Variants in FNBP1L observed in about 807,000 individuals in gnomAD.
FNBP1L encodes the protein formin binding protein 1 like, also known as formin-binding protein 1-like.
In FNBP1L, 36 loss-of-function variants were observed where a neutral mutation model predicts 91.2. That is an observed-to-expected ratio of 0.39 (90% CI 0.30 to 0.52). The LOEUF (loss-of-function observed/expected upper bound fraction) is 0.52. Among genes scored for constraint, FNBP1L ranks in the 20% least tolerant of loss-of-function variants. The pLI is 0.66. For synonymous variants in FNBP1L, 242 were observed against 237.0 expected, an observed-to-expected ratio of 1.02 and a Z score of -0.19; for missense variants, 571 against 732.1, an observed-to-expected ratio of 0.78 and a Z score of 2.54.
chr1:93,516,219 T>G (rs1434760602), intron 2 of FNBP1L, among the ~76,000 whole-genome samples: 1 of 152,226 alleles, frequency 6.6e-6, no homozygotes. Flanking sequence ...TCATCTTTTC[T>G]GTTGACACTG....
At chr1:93,497,204 C>T (rs1054159296) in intron 1 of FNBP1L, among the ~76,000 whole-genome samples, 9 of 152,248 alleles carry the variant, frequency 5.9e-5, no homozygotes, top group African/African-American at 1.7e-4. Flanking sequence ...ACTCGTGATC[C>T]GCCCACCTCG....
chr1:93,474,682 CTTAGAG>C (rs777281593), intron 1 of FNBP1L, among the ~76,000 whole-genome samples: 12 of 152,222 alleles, frequency 7.9e-5, no homozygotes, highest in East Asian at 7.7e-4. Flanking sequence ...TCAATCATTT[CTTAGAG>C]TTAGAGAGAG....
chr1:93,479,846 C>A (rs765301369), intron 1 of FNBP1L, among the ~76,000 whole-genome samples: 2 of 152,118 alleles, frequency 1.3e-5, no homozygotes, highest in Non-Finnish European at 2.9e-5. Flanking sequence ...TTCAAACACA[C>A]GTTTTACAAT....
At chr1:93,528,232 G>C (rs890333572) in intron 5 of FNBP1L, among the ~76,000 whole-genome samples, 7 of 152,140 alleles carry the variant, frequency 4.6e-5, no homozygotes, top group African/African-American at 1.4e-4. Flanking sequence ...TATCCCATGT[G>C]CTCAGCACAG....
chr1:93,456,269 T>G (rs1385857348), intron 1 of FNBP1L, among the ~76,000 whole-genome samples: 1 of 152,210 alleles, frequency 6.6e-6, no homozygotes, highest in Non-Finnish European at 1.5e-5. Context: ...ATTTTTTCCT[T>G]AAGTTCTTGA....
chr1:93,459,941 ATGTGTGTGTGTGTGTGTG>A (rs34705153), intron 1 of FNBP1L, among the ~76,000 whole-genome samples: 6 of 142,168 alleles, frequency 4.2e-5, no homozygotes, highest in East Asian at 2.1e-4. Flanking sequence ...TGGATTTCAG[ATGTGTGTGTGTGTGTGTG>A]TGTGTGTGTG....
chr1:93,458,066 A>T (rs1203493138), intron 1 of FNBP1L, among the ~76,000 whole-genome samples: 1 of 152,186 alleles, frequency 6.6e-6, no homozygotes, highest in African/African-American at 2.4e-5. Flanking sequence ...CTGGGATTAC[A>T]GGCGTGAGCC....
intron 2 of FNBP1L, among the ~76,000 whole-genome samples, 198 bp downstream of exon 2, chr1:93,499,781 A>C (rs1182568522): frequency 1.4e-4 from 22 of 152,216 alleles, no homozygotes. Flanking sequence ...TAGCTGGATC[A>C]CAAATAGCTT....
chr1:93,543,925 T>C, intron 11 of FNBP1L, 182 bp from the exon 12 acceptor site: 1 of 366,652 alleles, frequency 2.7e-6, no homozygotes, highest in Non-Finnish European at 5.1e-6. Flanking sequence ...TACATTGTTT[T>C]CATTAACATA....
At position 93,448,202 on chromosome 1, in the gene FNBP1L, A is replaced by G; in HGVS notation, c.-80A>G. The G allele has an allele frequency of 1.3e-6, 2 of 1,502,264 alleles. No homozygotes were observed. Among genetic ancestry groups the G allele is most frequent in the East Asian group, 5.7e-5 (2 of 35,048 alleles). 93.1% of individuals were successfully genotyped at this position (1,502,264 alleles called of 1,614,324 possible). ...CCGCTGAGCTGCTAGCCCGCCGGCC[A>G]GCGAGTGAGAGGTCGGACAGACTGT... is the stretch of plus-strand genomic sequence containing the variant. On this transcript the variant is annotated 5_prime_UTR_variant, in exon 1 of 17. Transcript: ENST00000271234.
At chr1:93,552,151 G>A in intron 16 of FNBP1L, 6 of 1,214,018 alleles carry the variant, frequency 4.9e-6, no homozygotes, top group Non-Finnish European at 6.1e-6. Context: ...AGCGTTGTTG[G>A]AAACACTGTG....
At chr1:93,543,986 GC>G in intron 11 of FNBP1L, 120 bp from the exon 12 acceptor site, 12 of 523,018 alleles carry the variant, frequency 2.3e-5, no homozygotes, top group South Asian at 2.2e-4. Flanking sequence ...TTAAGGGGTT[GC>G]TTGAGGCAAA....
rs1486027508 is a variant in FNBP1L at position 93,553,456 on chromosome 1, G to A, written c.*1040G>A. On this transcript the variant is annotated 3_prime_UTR_variant, in exon 17 of 17. Transcript: ENST00000271234. ...CTATTAGAGCTCTACCATATACAGT[G>A]GTGCATCTTCAAATTTATGCATCAA... The A allele has an allele frequency of 2.0e-5, 3 of 152,572 alleles. No homozygotes were observed. Among genetic ancestry groups the A allele is most frequent in the Admixed American group, 2.0e-4 (3 of 15,282 alleles). 9.5% of individuals were successfully genotyped at this position (152,572 alleles called of 1,614,324 possible). A position where few individuals can be genotyped will look rare whatever the true frequency, so the allele number is the denominator to read the frequency against.
chr1:93,542,081 T>A (rs1304266506), intron 11 of FNBP1L, among the ~76,000 whole-genome samples: 1 of 152,172 alleles, frequency 6.6e-6, no homozygotes, highest in African/African-American at 2.4e-5. Context: ...GAAATATTTT[T>A]AAAAATCTAA....
chr1:93,524,396 A>G (rs1286065118), intron 5 of FNBP1L, 73 bp downstream of exon 5: 5 of 1,081,938 alleles, frequency 4.6e-6, no homozygotes, highest in East Asian at 5.9e-5. Context: ...TTTATGCTTC[A>G]TATCTATTTG....
chr1:93,506,479 C>A (rs1670616971), intron 2 of FNBP1L, among the ~76,000 whole-genome samples: 1 of 152,024 alleles, frequency 6.6e-6, no homozygotes. Context: ...TAACTGAGCC[C>A]ACAAATTTGG....
intron 2 of FNBP1L, among the ~76,000 whole-genome samples, chr1:93,507,074 C>A (rs892320001): frequency 1.6e-5 from 2 of 122,096 alleles, no homozygotes; most frequent in African/African-American, 3.5e-5. Context: ...CACACACACA[C>A]ACACACACAC....
chr1:93,464,385 A>G (rs1669004065), intron 1 of FNBP1L, among the ~76,000 whole-genome samples: 2 of 152,154 alleles, frequency 1.3e-5, no homozygotes, highest in African/African-American at 2.4e-5. Context: ...ACTAAACACA[A>G]TATTTGTATT....
chr1:93,516,316 C>T (rs374252316), intron 2 of FNBP1L, among the ~76,000 whole-genome samples: 1 of 152,144 alleles, frequency 6.6e-6, no homozygotes, highest in Non-Finnish European at 1.5e-5. Flanking sequence ...TCTTGATCTG[C>T]AGTCAAATGC....
Sources: allele counts gnomAD v4.1 joint callset (sites outside exome capture counted in the v4.1 genomes callset), GRCh38; gene constraint gnomAD v4.1.1; transcripts MANE v1.5; gene names NCBI Gene and HGNC (gene_info 2026-07-23, HGNC 2026-07-21).